The following SHISA9 variants were observed in gnomAD, a reference collection of about 807,000 sequenced individuals.
SHISA9 encodes shisa family member 9.
A neutral mutation model predicts 38.0 loss-of-function variants in SHISA9; 13 were observed. That is an observed-to-expected ratio of 0.34 (90% CI 0.22 to 0.54). SHISA9 has a LOEUF of 0.54. Ranked by LOEUF, SHISA9 falls within the 20% of genes least tolerant of loss-of-function variation. The pLI, the probability that SHISA9 is intolerant of heterozygous loss-of-function variation, is 0.91. For missense variants in SHISA9, 538 were observed against 575.8 expected (o/e 0.93, Z 0.67); for synonymous variants, 275 against 242.0 (o/e 1.14, Z -1.27).
chr16:12,970,469 G>GTGTATA (rs1195519177), intron 2 of SHISA9, among the ~76,000 whole-genome samples: 6 of 24,052 alleles, frequency 2.5e-4, no homozygotes, highest in African/African-American at 1.0e-3. Flanking sequence ...ATATGTGTGT[G>GTGTATA]TATATATATA....
At chr16:13,059,352 C>T (rs1458461071) in intron 2 of SHISA9, among the ~76,000 whole-genome samples, 2 of 152,070 alleles carry the variant, frequency 1.3e-5, no homozygotes, top group Admixed American at 1.3e-4. Context: ...TGGTCTCAAT[C>T]TCCTGACCTC....
At chr16:12,958,910 T>A (rs2071871843) in intron 2 of SHISA9, among the ~76,000 whole-genome samples, 3 of 152,082 alleles carry the variant, frequency 2.0e-5, no homozygotes, top group African/African-American at 7.2e-5. Flanking sequence ...CTTTCTCCCA[T>A]GAGAGTTGGG....
chr16:13,126,368 A>T (rs1012299564), intron 2 of SHISA9, among the ~76,000 whole-genome samples: 1 of 152,168 alleles, frequency 6.6e-6, no homozygotes, highest in African/African-American at 2.4e-5. Flanking sequence ...TAACCAAAGC[A>T]TTGCATAAGG....
the SHISA9 span, among the ~76,000 whole-genome samples, chr16:13,359,833 C>T: frequency 2.0e-5 from 3 of 152,216 alleles, no homozygotes; most frequent in Admixed American, 6.5e-5. Context: ...AACACCCACA[C>T]ACATCAAGTT....
chr16:13,086,770 A>G (rs1026419398), intron 2 of SHISA9, among the ~76,000 whole-genome samples: 11 of 152,206 alleles, frequency 7.2e-5, no homozygotes, highest in African/African-American at 2.7e-4. Context: ...AAAGATTCTA[A>G]TACATTATAA....
At position 13,235,664 on chromosome 16, in the gene SHISA9, C is replaced by T. The variant is rs1230332624; in HGVS notation, c.*255C>T. ...AGCAAAGGGGAAAATGAGGCACACTCTTTCCACTTCAGGCCCAAGATGGCC... is the reference window on the plus strand; with the variant it reads ...AGCAAAGGGGAAAATGAGGCACACTTTTTCCACTTCAGGCCCAAGATGGCC... On this transcript the variant is annotated 3_prime_UTR_variant, in exon 5 of 5. Coordinates refer to ENST00000558583, the MANE Select transcript of SHISA9 (RefSeq NM_001145204.3). 2 of 470,304 alleles carry T rather than the reference C, an allele frequency of 4.3e-6. No homozygotes were observed. The highest frequency in any genetic ancestry group is 7.4e-6 in the Non-Finnish European group (2 of 269,760). The allele number at this position is 470,304 out of a possible 1,614,324, so 29.1% of individuals were successfully genotyped here.
intron 2 of SHISA9, among the ~76,000 whole-genome samples, chr16:13,029,344 G>A (rs919046952): frequency 4.0e-5 from 6 of 149,842 alleles, no homozygotes; most frequent in East Asian, 2.0e-4. Flanking sequence ...GGTGGCTTAC[G>A]CCTGTAATCC....
chr16:13,520,341 T>C, the SHISA9 span, among the ~76,000 whole-genome samples: 2 of 152,104 alleles, frequency 1.3e-5, no homozygotes, highest in East Asian at 3.9e-4. Context: ...GGCTCACGCC[T>C]GTAATCCCAG....
In SHISA9 at chr16:12,908,553, G is replaced by T. The variant is rs1484988971; in HGVS notation, c.563+5926G>T. The T allele has an allele frequency of 2.6e-5, 40 of 1,551,900 alleles. No homozygotes were observed. The East Asian group carries it at 9.5e-4, about 37-fold the overall frequency. On this transcript the variant is annotated intron_variant, in intron 1 of 4. Coordinates refer to ENST00000558583, the MANE Select transcript of SHISA9 (RefSeq NM_001145204.3). ...GACGAACCTGCCCCTGGAGAGTGGA[G>T]TGTCGGACTTCAAACCTGGACAGTC...
the SHISA9 span, among the ~76,000 whole-genome samples, chr16:13,457,627 G>C: frequency 5.0e-4 from 76 of 151,420 alleles, 1 homozygote; most frequent in African/African-American, 1.6e-3. Flanking sequence ...GTTCTCTGTT[G>C]TTCTTTCTGT....
chr16:13,486,241 G>T, the SHISA9 span, among the ~76,000 whole-genome samples: 2 of 152,178 alleles, frequency 1.3e-5, no homozygotes, highest in African/African-American at 2.4e-5. Context: ...CCAGCGAAAT[G>T]GTGAAAGCTA....
chr16:13,476,544 G>A, the SHISA9 span, among the ~76,000 whole-genome samples: 1 of 152,074 alleles, frequency 6.6e-6, no homozygotes, highest in Non-Finnish European at 1.5e-5. Flanking sequence ...TGCTTAGGAG[G>A]ATTTGAAATT....
intron 2 of SHISA9, among the ~76,000 whole-genome samples, chr16:13,024,414 T>C (rs1596593354): frequency 6.6e-6 from 1 of 152,206 alleles, no homozygotes; most frequent in East Asian, 1.9e-4. Flanking sequence ...CCTCTTGAGG[T>C]GGGGATGTGG....
chr16:13,259,407 G>A, the SHISA9 span, among the ~76,000 whole-genome samples: 2 of 152,178 alleles, frequency 1.3e-5, no homozygotes, highest in Admixed American at 1.3e-4. Flanking sequence ...AGGTGTCAGT[G>A]GATCTACTAT....
chr16:13,015,601 A>T (rs1019764243), intron 2 of SHISA9, among the ~76,000 whole-genome samples: 4 of 152,118 alleles, frequency 2.6e-5, no homozygotes, highest in African/African-American at 9.7e-5. Context: ...GGTTGATTCT[A>T]CTGGGACTGC....
intron 2 of SHISA9, among the ~76,000 whole-genome samples, chr16:12,949,048 G>A (rs1040092944): frequency 6.6e-6 from 1 of 152,168 alleles, no homozygotes; most frequent in African/African-American, 2.4e-5. Flanking sequence ...ATGGCTGTGT[G>A]GTAGGATGAG....
chr16:13,551,127 A>T, the SHISA9 span, among the ~76,000 whole-genome samples: 6 of 150,220 alleles, frequency 4.0e-5, no homozygotes, highest in Non-Finnish European at 7.4e-5. Flanking sequence ...CCATCTCGAA[A>T]AAAAAAAAAA....
At chr16:13,303,328 C>T in the SHISA9 span, among the ~76,000 whole-genome samples, 1 of 152,134 alleles carries the variant, frequency 6.6e-6, no homozygotes, top group Non-Finnish European at 1.5e-5. Flanking sequence ...CAGCCCACAT[C>T]AGTAGGCTAA....
chr16:13,436,776 C>CG, the SHISA9 span, among the ~76,000 whole-genome samples: 4 of 152,032 alleles, frequency 2.6e-5, no homozygotes, highest in East Asian at 1.9e-4. Flanking sequence ...TGTTATCCCC[C>CG]CAGGAAGCTA....
Sources: allele counts gnomAD v4.1 joint callset (sites outside exome capture counted in the v4.1 genomes callset), GRCh38; gene constraint gnomAD v4.1.1; transcripts MANE v1.5; gene names NCBI Gene and HGNC (gene_info 2026-07-23, HGNC 2026-07-21).